Variants in ABCA12 observed in about 807,000 individuals in gnomAD.
The protein encoded by ABCA12 is glucosylceramide transporter ABCA12.
ABCA12 carries 156 observed loss-of-function variants against 293.5 expected under a neutral mutation model. The observed-to-expected ratio is 0.53, with a 90% CI of 0.47 to 0.61. ABCA12 has a LOEUF of 0.61. Ranked by LOEUF, ABCA12 falls within the 20% of genes least tolerant of loss-of-function variation. The probability of loss-of-function intolerance (pLI) is 0.00; values close to 1 mark genes in which losing one functional copy is unlikely to be tolerated. For missense variants in ABCA12, 2,797 were observed against 3,090.2 expected (o/e 0.91, Z 2.25); for synonymous variants, 1,063 against 1,108.0 (o/e 0.96, Z 0.81).
At chr2:215,087,487 C>CGTGTGTGTGTGTGTGTGTGT (rs3050135) in intron 2 of ABCA12, among the ~76,000 whole-genome samples, 7 of 149,628 alleles carry the variant, frequency 4.7e-5, no homozygotes, top group African/African-American at 1.5e-4. Context: ...ATACAGGCTT[C>CGTGTGTGTGTGTGTGTGTGT]GTGTGTGTGT....
At chr2:215,109,220 C>T (rs577525228) in intron 2 of ABCA12, among the ~76,000 whole-genome samples, 2 of 152,202 alleles carry the variant, frequency 1.3e-5, no homozygotes, top group South Asian at 2.1e-4. Flanking sequence ...TTACTTGGCT[C>T]TTATTTACCC....
intron 8 of ABCA12, 23 bp downstream of exon 8, chr2:215,036,930 A>G (rs1559159923): frequency 6.3e-7 from 1 of 1,595,954 alleles, no homozygotes; most frequent in African/African-American, 1.3e-5. Flanking sequence ...TGAATTTAAC[A>G]CAGTAAGATG....
At chr2:215,103,636 G>T (rs184413688) in intron 2 of ABCA12, among the ~76,000 whole-genome samples, 1 of 152,054 alleles carries the variant, frequency 6.6e-6, no homozygotes, top group South Asian at 2.1e-4. Flanking sequence ...CAAGATACTA[G>T]ATTAGCTTCA....
At chr2:215,106,761 A>G (rs1391516492) in intron 2 of ABCA12, among the ~76,000 whole-genome samples, 1 of 152,062 alleles carries the variant, frequency 6.6e-6, no homozygotes, top group African/African-American at 2.4e-5. Context: ...AAAAAAAAAA[A>G]AAAAGTCAGG....
At chr2:215,004,417 G>T in intron 19 of ABCA12, 118 bp from the exon 20 acceptor site, 1 of 719,406 alleles carries the variant, frequency 1.4e-6, no homozygotes, top group Non-Finnish European at 2.4e-6. Context: ...TCAATGCACT[G>T]TCTTGCAAAG....
intron 2 of ABCA12, among the ~76,000 whole-genome samples, chr2:215,100,508 C>T (rs1488326356): frequency 2.0e-5 from 3 of 152,126 alleles, no homozygotes; most frequent in Non-Finnish European, 4.4e-5. Flanking sequence ...TTCCTATTTG[C>T]ACAATTGTTA....
intron 31 of ABCA12, 117 bp downstream of exon 31, chr2:214,980,366 G>A (rs948667105): frequency 1.4e-5 from 20 of 1,387,202 alleles, no homozygotes; most frequent in Admixed American, 1.9e-5. Flanking sequence ...ATGAGAAGCA[G>A]TAAGCTAGTA....
intron 7 of ABCA12, among the ~76,000 whole-genome samples, chr2:215,041,092 T>A (rs1230412878): frequency 7.9e-5 from 12 of 152,108 alleles, no homozygotes; most frequent in Non-Finnish European, 1.8e-4. Context: ...AAAATAAGTA[T>A]ATGAAGGAAA....
intron 30 of ABCA12, among the ~76,000 whole-genome samples, chr2:214,980,902 C>T (rs1699633945): frequency 6.6e-6 from 1 of 152,022 alleles, no homozygotes; most frequent in Non-Finnish European, 1.5e-5. Flanking sequence ...AGTTCGAAAC[C>T]AGCCTGGCCA....
chr2:215,078,969 C>G (rs138579318), intron 2 of ABCA12, among the ~76,000 whole-genome samples: 2 of 152,304 alleles, frequency 1.3e-5, no homozygotes, highest in Non-Finnish European at 2.9e-5. Context: ...TGAATCAGCA[C>G]ATGATCTAGG....
chr2:215,112,781 A>G (rs1470001351), intron 1 of ABCA12, among the ~76,000 whole-genome samples: 1 of 152,060 alleles, frequency 6.6e-6, no homozygotes, highest in Admixed American at 6.6e-5. Flanking sequence ...CAGGCGTGTG[A>G]GCCACCGTGC....
At chr2:214,980,771 C>T in intron 30 of ABCA12, 128 bp from the exon 31 acceptor site, 1 of 1,221,662 alleles carries the variant, frequency 8.2e-7, no homozygotes. Context: ...AACTGAAAAA[C>T]TGACTGACCT....
chr2:214,995,733 A>G (rs2105982642), intron 23 of ABCA12, among the ~76,000 whole-genome samples: 1 of 152,314 alleles, frequency 6.6e-6, no homozygotes, highest in East Asian at 1.9e-4. Context: ...AATTTAGAAC[A>G]CATTGAGGAT....
chr2:214,985,542 C>G (rs1699766387), intron 28 of ABCA12, among the ~76,000 whole-genome samples: 1 of 152,052 alleles, frequency 6.6e-6, no homozygotes. Context: ...ACTTGTGCCC[C>G]TGAACTTAAA....
intron 41 of ABCA12, among the ~76,000 whole-genome samples, chr2:214,957,474 AT>A (rs1278254505): frequency 6.6e-6 from 1 of 152,226 alleles, no homozygotes; most frequent in Non-Finnish European, 1.5e-5. Context: ...TTTTCTTAAC[AT>A]TAAAGCTCCT....
At position 214,954,176 on chromosome 2, in the gene ABCA12, A is replaced by T. The variant is rs1197941664; in HGVS notation, c.6394-69T>A. On this transcript the variant is annotated intron_variant, in intron 43 of 52. Transcript: ENST00000272895. ...AAAAAGCTGACAAAAATTTAAAACT[A>T]GATGGATGTAGACAAATAGTGAAAC... 5.3e-6 allele frequency: 8 copies of T among 1,518,986 alleles called. No individual in the cohort carries two copies. The Admixed American group carries it at 6.8e-5, about 13-fold the overall frequency. The allele number at this position is 1,518,986 out of a possible 1,614,324, so 94.1% of individuals were successfully genotyped here. A position where few individuals can be genotyped will look rare whatever the true frequency, so the allele number is the denominator to read the frequency against.
At position 215,019,670 on chromosome 2, in the gene ABCA12, G is replaced by A; in HGVS notation, c.1414C>T (p.Gln472Ter). Residue 472 changes from glutamine to a stop codon, truncating the protein, a stop_gained, in exon 12 of 53, where the codon CAA becomes TAA. Transcript: ENST00000272895. LOFTEE classifies it high-confidence loss of function. The stretch of plus-strand genomic sequence containing the variant: ...CCCAGCTCTGCCGCTTCGAGGAGTT[G>A]CAGATCAAACTCACTTTCTTCACAC... ...SLCEESEFDL[Q>*]LLEAAELGTE... The A allele has an allele frequency of 6.2e-7, 1 of 1,614,114 alleles. No homozygotes were observed. Among genetic ancestry groups the A allele is most frequent in the Non-Finnish European group, 8.5e-7 (1 of 1,180,022 alleles).
At chr2:215,133,670 T>C (rs550470481) in intron 1 of ABCA12, among the ~76,000 whole-genome samples, 8 of 152,296 alleles carry the variant, frequency 5.3e-5, no homozygotes, top group East Asian at 1.9e-4. Flanking sequence ...GCTTTCTCTA[T>C]TACCTAACAT....
intron 2 of ABCA12, among the ~76,000 whole-genome samples, chr2:215,075,189 G>T (rs1701811463): frequency 6.6e-6 from 1 of 152,030 alleles, no homozygotes; most frequent in Non-Finnish European, 1.5e-5. Flanking sequence ...GCAAAGAGGG[G>T]GGAAAATTGA....
Sources: allele counts gnomAD v4.1 joint callset (sites outside exome capture counted in the v4.1 genomes callset), GRCh38; gene constraint gnomAD v4.1.1; transcripts MANE v1.5; gene names NCBI Gene and HGNC (gene_info 2026-07-23, HGNC 2026-07-21).